Variants in NAALADL2 observed in about 807,000 individuals in gnomAD.
NAALADL2 encodes the protein inactive N-acetylated-alpha-linked acidic dipeptidase-like protein 2.
A neutral mutation model predicts 87.2 loss-of-function variants in NAALADL2; 76 were observed. The observed-to-expected ratio is 0.87, with a 90% CI of 0.72 to 1.05. NAALADL2 has a LOEUF of 1.05. NAALADL2 is among the 50% of genes least tolerant of loss of function. NAALADL2 has a pLI of 0.00. For missense variants in NAALADL2, 1,089 were observed against 945.8 expected, an observed-to-expected ratio of 1.15 and a Z score of -1.99; for synonymous variants, 354 against 331.0, an observed-to-expected ratio of 1.07 and a Z score of -0.75.
intron 9 of NAALADL2, among the ~76,000 whole-genome samples, chr3:175,518,031 G>A (rs1394610000): frequency 6.6e-6 from 1 of 152,192 alleles, no homozygotes; most frequent in Non-Finnish European, 1.5e-5. Flanking sequence ...GAGGAGAGAA[G>A]ATGGAGCTGC....
chr3:175,583,524 C>T (rs1439291995), intron 10 of NAALADL2, among the ~76,000 whole-genome samples: 1 of 149,162 alleles, frequency 6.7e-6, no homozygotes, highest in East Asian at 2.0e-4. Context: ...TGTGGGGAAC[C>T]AGGCAACTAT....
chr3:175,322,068 C>G (rs996053216), intron 4 of NAALADL2, among the ~76,000 whole-genome samples: 2 of 151,190 alleles, frequency 1.3e-5, no homozygotes, highest in Admixed American at 6.6e-5. Flanking sequence ...GGAGGCATCA[C>G]GCTACCTGAC....
Position 175,190,600 on chromosome 3 carries a change from C to T in NAALADL2, c.546-43331C>T, listed in dbSNP as rs200186307. On this transcript the variant is annotated intron_variant, in intron 2 of 13. Coordinates refer to ENST00000454872, the MANE Select transcript of NAALADL2 (RefSeq NM_207015.3). ...ACTCTTGATGGCAACGTAGATGGTG[C>T]GGTCATTATGGAAAACAATATGGTA... Among the ~76,000 whole-genome samples, 21 of 152,138 alleles carry T rather than the reference C, an allele frequency of 1.4e-4. No homozygotes were observed. In the East Asian group the frequency reaches 2.9e-3, roughly 21 times the overall value.
chr3:174,980,603 T>C (rs114507395), intron 1 of NAALADL2, among the ~76,000 whole-genome samples: 16,652 of 152,122 alleles, frequency 0.11, 2,228 homozygotes, highest in African/African-American at 0.32. Context: ...ATAAGTATAA[T>C]TTTAATATGT....
intron 2 of NAALADL2, among the ~76,000 whole-genome samples, chr3:174,719,921 C>T (rs1481148016): frequency 1.3e-5 from 2 of 152,166 alleles, no homozygotes; most frequent in Non-Finnish European, 2.9e-5. Flanking sequence ...CCTGCCTCAG[C>T]CTCCTGAGTA....
rs544888913 is a variant in NAALADL2 at position 175,674,880 on chromosome 3, G to GA, written c.1896+47500dup. On this transcript the variant is annotated intron_variant, in intron 11 of 13. Transcript: ENST00000454872. ...AAAACGCTACTGTATTTTCGAGTACGAAAAAACCCAAAGATTAAAAATTAC... is the reference window on the plus strand; with the variant it reads ...AAAACGCTACTGTATTTTCGAGTACGAAAAAAACCCAAAGATTAAAAATTAC... Among the ~76,000 whole-genome samples, 7 of 152,034 alleles carry GA rather than the reference G, an allele frequency of 4.6e-5. No individual in the cohort carries two copies. The East Asian group carries it at 1.2e-3, about 25-fold the overall frequency.
chr3:175,332,891 T>C (rs1761556912), intron 5 of NAALADL2, among the ~76,000 whole-genome samples: 1 of 152,252 alleles, frequency 6.6e-6, no homozygotes, highest in South Asian at 2.1e-4. Flanking sequence ...GCATGCTTTA[T>C]ATAGCTGGGC....
In NAALADL2 at chr3:174,670,937, A is replaced by C. The variant is rs143129640; in HGVS notation, c.-114-66704A>C. Among the ~76,000 whole-genome samples the C allele has an allele frequency of 1.9e-3, 286 of 152,082 alleles. 1 individual carries two copies. Among genetic ancestry groups the C allele is most frequent in the African/African-American group, 6.7e-3 (278 of 41,516 alleles). On this transcript the variant is annotated intron_variant, in intron 2 of 3. Coordinates refer to the NAALADL2 transcript ENST00000434257. ...CTATCCACCTTTGTACTGTCATCAC[A>C]ATAGTGAGTTCTCCTGAGATCTGGT...
chr3:174,976,226 T>C lies in NAALADL2; in HGVS notation c.43+116776T>C, dbSNP rs1012500878. Among the ~76,000 whole-genome samples the C allele has an allele frequency of 2.6e-5, 4 of 152,212 alleles. No homozygotes were observed. The South Asian group carries it at 8.3e-4, about 31-fold the overall frequency. ...CAGTTTTGCAAAATGATTAGTTACA[T>C]TTCCTTAAAACTATCTTATAGATTT... On this transcript the variant is annotated intron_variant, in intron 1 of 13. Coordinates refer to ENST00000454872, the MANE Select transcript of NAALADL2 (RefSeq NM_207015.3).
chr3:175,341,349 G>A (rs982571118), intron 5 of NAALADL2, among the ~76,000 whole-genome samples: 13 of 152,018 alleles, frequency 8.6e-5, no homozygotes, highest in Admixed American at 7.2e-4. Flanking sequence ...TCTTTGCATG[G>A]CTGAATACTA....
intron 2 of NAALADL2, among the ~76,000 whole-genome samples, chr3:175,211,856 A>T (rs1741822374): frequency 6.6e-6 from 1 of 152,050 alleles, no homozygotes; most frequent in Non-Finnish European, 1.5e-5. Flanking sequence ...CATTACGAAA[A>T]ATATTTGCCC....
At chr3:175,716,851 GACTT>G (rs1007972522) in intron 11 of NAALADL2, among the ~76,000 whole-genome samples, 2 of 152,100 alleles carry the variant, frequency 1.3e-5, no homozygotes, top group Non-Finnish European at 2.9e-5. Flanking sequence ...TTTGGAGACT[GACTT>G]AATATAGACT....
chr3:175,469,399 G>A (rs1386656586), intron 8 of NAALADL2, among the ~76,000 whole-genome samples: 3 of 152,070 alleles, frequency 2.0e-5, no homozygotes, highest in Admixed American at 2.0e-4. Context: ...GTGAAGGGGA[G>A]TGAGGAAAGC....
chr3:175,005,890 G>C (rs984142230), intron 1 of NAALADL2, among the ~76,000 whole-genome samples: 4 of 152,168 alleles, frequency 2.6e-5, no homozygotes, highest in African/African-American at 9.7e-5. Flanking sequence ...GCCATCTTCA[G>C]AATATTTAAA....
chr3:175,633,670 ATTC>A (rs1728119058), intron 11 of NAALADL2, among the ~76,000 whole-genome samples: 1 of 151,884 alleles, frequency 6.6e-6, no homozygotes, highest in Non-Finnish European at 1.5e-5. Flanking sequence ...AAATGACCTA[ATTC>A]TTCTTGTAAG....
At chr3:174,653,232 A>G (rs1271769441) in intron 2 of NAALADL2, among the ~76,000 whole-genome samples, 3 of 152,214 alleles carry the variant, frequency 2.0e-5, no homozygotes, top group South Asian at 4.1e-4. Flanking sequence ...GCAGCATCAT[A>G]TATATAGCAG....
intron 2 of NAALADL2, among the ~76,000 whole-genome samples, chr3:174,612,851 AAAT>A (rs1720067635): frequency 6.6e-6 from 1 of 152,156 alleles, no homozygotes; most frequent in Non-Finnish European, 1.5e-5. Flanking sequence ...TGATACTTTT[AAAT>A]GTTCATCTGT....
At chr3:175,284,073 C>T (rs1754671700) in intron 4 of NAALADL2, among the ~76,000 whole-genome samples, 2 of 151,972 alleles carry the variant, frequency 1.3e-5, no homozygotes, top group African/African-American at 4.8e-5. Flanking sequence ...GGGTTTCTTC[C>T]CAACAATATT....
Position 175,697,400 on chromosome 3 carries a change from GACACAC to G in NAALADL2, c.1897-39878_1897-39873del, listed in dbSNP as rs57471272. Among the ~76,000 whole-genome samples the G allele has an allele frequency of 3.8e-3, 553 of 145,302 alleles. 1 individual carries two copies. Among genetic ancestry groups the G allele is most frequent in the Non-Finnish European group, 5.3e-3 (350 of 65,846 alleles). On this transcript the variant is annotated intron_variant, in intron 11 of 13. Transcript: ENST00000454872. Reference sequence around the variant, plus strand: ...TGTGCTAGTGCTAAAGCTGCACACAGACACACACACACACACACACACACACACACA... The same window carrying G: ...TGTGCTAGTGCTAAAGCTGCACACAGACACACACACACACACACACACACA...
Sources: gnomAD v4.1 joint callset for allele counts (sites outside exome capture counted in the v4.1 genomes callset) on GRCh38, gnomAD v4.1.1 for gene constraint, MANE v1.5 for transcripts, NCBI Gene and HGNC (gene_info 2026-07-23, HGNC 2026-07-21) for gene names.